GRID2: variants seen among roughly 807,000 people sequenced by gnomAD.
GRID2 encodes the protein glutamate receptor ionotropic, delta-2.
In GRID2, 33 loss-of-function variants were observed where a neutral mutation model predicts 114.8. The ratio of observed to expected loss-of-function variants is 0.29; its 90% CI spans 0.22 to 0.38. The LOEUF (loss-of-function observed/expected upper bound fraction) is 0.38. Ranked by LOEUF, GRID2 falls within the 10% of genes least tolerant of loss-of-function variation. GRID2 has a pLI of 1.00. For missense variants in GRID2, 1,184 were observed against 1,257.7 expected, an observed-to-expected ratio of 0.94 and a Z score of 0.89; for synonymous variants, 505 against 449.9, an observed-to-expected ratio of 1.12 and a Z score of -1.55.
chr4:93,131,320 A>T (rs1337584776), intron 4 of GRID2, among the ~76,000 whole-genome samples: 1 of 151,264 alleles, frequency 6.6e-6, no homozygotes, highest in African/African-American at 2.4e-5. Context: ...TGCCCAGCTA[A>T]TTTTTGTATT....
At chr4:92,495,620 G>A (rs879344893) in intron 1 of GRID2, among the ~76,000 whole-genome samples, 6 of 151,884 alleles carry the variant, frequency 4.0e-5, no homozygotes, top group Admixed American at 3.3e-4. Context: ...AAGCATCATG[G>A]AGGCTGAATG....
intron 2 of GRID2, among the ~76,000 whole-genome samples, chr4:93,043,777 C>T (rs577741147): frequency 5.4e-5 from 8 of 147,482 alleles, no homozygotes; most frequent in South Asian, 2.2e-4. Flanking sequence ...GTGGGGGGAG[C>T]GGGGAGGGAA....
chr4:92,876,711 G>A (rs1745662155), intron 2 of GRID2, among the ~76,000 whole-genome samples: 1 of 152,182 alleles, frequency 6.6e-6, no homozygotes, highest in Admixed American at 6.5e-5. Context: ...TATCACCAGA[G>A]ATTCTGATTC....
chr4:92,986,221 A>G (rs781689561), intron 2 of GRID2, among the ~76,000 whole-genome samples: 5 of 152,224 alleles, frequency 3.3e-5, no homozygotes, highest in Admixed American at 6.5e-5. Context: ...AGGATGGACT[A>G]TATTTATAAT....
intron 8 of GRID2, among the ~76,000 whole-genome samples, chr4:93,361,057 C>CT (rs1423856033): frequency 3.3e-5 from 5 of 151,378 alleles, no homozygotes; most frequent in African/African-American, 4.8e-5. Context: ...ATACTGGCTT[C>CT]TTTTTTCTTT....
At chr4:92,460,032 C>CTATATATATATATACGTATATATA (rs1553937272) in intron 1 of GRID2, among the ~76,000 whole-genome samples, 1 of 48,442 alleles carries the variant, frequency 2.1e-5, no homozygotes, top group African/African-American at 1.0e-4. Flanking sequence ...ATAAATCTCA[C>CTATATATATATATACGTATATATA]TATATATATA....
chr4:92,761,463 A>G (rs949883506), intron 2 of GRID2, among the ~76,000 whole-genome samples: 1 of 152,208 alleles, frequency 6.6e-6, no homozygotes, highest in Non-Finnish European at 1.5e-5. Flanking sequence ...GACAGGATTC[A>G]TGATGATGTT....
chr4:92,702,365 A>G (rs369821648), intron 2 of GRID2: 1 of 151,760 alleles, frequency 6.6e-6, no homozygotes, highest in Non-Finnish European at 1.5e-5. Context: ...TCAACCTCCT[A>G]CTACTTATAT....
rs555853092 is a variant in GRID2, at chr4:92,584,418, A to G, written c.89-5713A>G. Reference sequence around the variant, plus strand: ...TGTGAATAGTAGCATCTAAAACAGAAAGGATATATGATGATTTAACAATTC... The same window carrying G: ...TGTGAATAGTAGCATCTAAAACAGAGAGGATATATGATGATTTAACAATTC... On this transcript the variant is annotated intron_variant, in intron 1 of 15. Transcript: ENST00000282020. Among the ~76,000 whole-genome samples, 9 of 152,120 alleles carry G rather than the reference A, an allele frequency of 5.9e-5. No individual in the cohort carries two copies. The South Asian group carries it at 1.9e-3, about 32-fold the overall frequency.
intron 2 of GRID2, among the ~76,000 whole-genome samples, chr4:92,873,596 T>C (rs1745427596): frequency 6.6e-6 from 1 of 152,216 alleles, no homozygotes; most frequent in Non-Finnish European, 1.5e-5. Flanking sequence ...AAAAGCCTTG[T>C]ATATCTAAAG....
intron 13 of GRID2, among the ~76,000 whole-genome samples, chr4:93,571,380 C>T (rs1156711542): frequency 1.3e-5 from 2 of 151,980 alleles, no homozygotes; most frequent in Non-Finnish European, 2.9e-5. Context: ...CATATTATTA[C>T]ATAAATTATG....
intron 2 of GRID2, among the ~76,000 whole-genome samples, chr4:92,601,167 G>A (rs1186366329): frequency 6.6e-6 from 1 of 152,178 alleles, no homozygotes; most frequent in East Asian, 1.9e-4. Flanking sequence ...GACAGGATCT[G>A]CCACAGATCA....
intron 2 of GRID2, among the ~76,000 whole-genome samples, chr4:92,635,660 C>T (rs1731032757): frequency 6.6e-6 from 1 of 151,808 alleles, no homozygotes; most frequent in Admixed American, 6.6e-5. Flanking sequence ...GGTAAAAATC[C>T]TTACAAAAAT....
At chr4:92,751,422 T>A (rs1057134932) in intron 2 of GRID2, among the ~76,000 whole-genome samples, 3 of 152,240 alleles carry the variant, frequency 2.0e-5, no homozygotes, top group African/African-American at 7.2e-5. Flanking sequence ...TAAATATACA[T>A]CAAAATAATT....
At chr4:93,426,544 T>C (rs2149373901) in intron 10 of GRID2, among the ~76,000 whole-genome samples, 1 of 152,300 alleles carries the variant, frequency 6.6e-6, no homozygotes, top group Admixed American at 6.5e-5. Context: ...TAATTTGTTT[T>C]ATGTGCTTAC....
At chr4:92,587,922 A>G (rs1362456816) in intron 1 of GRID2, among the ~76,000 whole-genome samples, 1 of 152,188 alleles carries the variant, frequency 6.6e-6, no homozygotes, top group Non-Finnish European at 1.5e-5. Flanking sequence ...CCCTTTTTTA[A>G]AGACTCATTT....
chr4:93,163,106 C>T (rs1737841811), intron 4 of GRID2, among the ~76,000 whole-genome samples: 1 of 151,576 alleles, frequency 6.6e-6, no homozygotes, highest in Non-Finnish European at 1.5e-5. Flanking sequence ...ACATTCCTTT[C>T]AGGTTGTGTG....
intron 2 of GRID2, among the ~76,000 whole-genome samples, chr4:92,863,841 C>G (rs142317050): frequency 2.3e-3 from 346 of 152,044 alleles, no homozygotes; most frequent in African/African-American, 7.0e-3. Context: ...ATCGCACTCT[C>G]GATGTTATTT....
intron 1 of GRID2, among the ~76,000 whole-genome samples, chr4:92,447,539 A>G (rs1163631627): frequency 6.6e-6 from 1 of 152,214 alleles, no homozygotes; most frequent in Non-Finnish European, 1.5e-5. Context: ...TGCTTTATGA[A>G]TAGCTGGCTC....
Sources: allele counts gnomAD v4.1 joint callset (sites outside exome capture counted in the v4.1 genomes callset), GRCh38; gene constraint gnomAD v4.1.1; transcripts MANE v1.5; gene names NCBI Gene and HGNC (gene_info 2026-07-23, HGNC 2026-07-21).